GALNT13: variants seen among roughly 807,000 people sequenced by gnomAD.
GALNT13 encodes polypeptide N-acetylgalactosaminyltransferase 13.
A neutral mutation model predicts 64.2 loss-of-function variants in GALNT13; 28 were observed. That is an observed-to-expected ratio of 0.44 (90% CI 0.32 to 0.60). The LOEUF (loss-of-function observed/expected upper bound fraction) is 0.60, where lower values mean the gene tolerates loss of function less well. Ranked by LOEUF, GALNT13 falls within the 20% of genes least tolerant of loss-of-function variation. The probability of loss-of-function intolerance (pLI) is 0.05; values close to 1 mark genes in which losing one functional copy is unlikely to be tolerated. For missense variants in GALNT13, 577 were observed against 669.8 expected (o/e 0.86, Z 1.53); for synonymous variants, 214 against 224.6 (o/e 0.95, Z 0.42).
At chr2:153,881,308 A>T (rs1444682) in intron 1 of GALNT13, among the ~76,000 whole-genome samples, 23 of 152,066 alleles carry the variant, frequency 1.5e-4, no homozygotes, top group Non-Finnish European at 2.8e-4. Context: ...CTGACTTCAC[A>T]TCAAAAATCA....
At chr2:154,162,173 A>C (rs1162119718) in intron 4 of GALNT13, among the ~76,000 whole-genome samples, 1 of 152,234 alleles carries the variant, frequency 6.6e-6, no homozygotes, top group Non-Finnish European at 1.5e-5. Context: ...CTAGAATGAG[A>C]AACAGAATGT....
At chr2:153,546,600 A>T in the GALNT13 span, among the ~76,000 whole-genome samples, 4 of 152,148 alleles carry the variant, frequency 2.6e-5, no homozygotes, top group African/African-American at 9.7e-5. Context: ...CTCATTATCT[A>T]CTTAGTCACT....
chr2:154,216,908 C>T (rs1293607461), intron 4 of GALNT13, among the ~76,000 whole-genome samples: 1 of 149,372 alleles, frequency 6.7e-6, no homozygotes, highest in Non-Finnish European at 1.5e-5. Flanking sequence ...CTGGGCACAG[C>T]CTCCCAGGTA....
intron 3 of GALNT13, among the ~76,000 whole-genome samples, chr2:154,118,760 C>T (rs1395177855): frequency 6.6e-6 from 1 of 151,952 alleles, no homozygotes; most frequent in Non-Finnish European, 1.5e-5. Flanking sequence ...ATGTTGTTTA[C>T]TAGAACATCC....
chr2:153,615,024 T>A, the GALNT13 span, among the ~76,000 whole-genome samples: 1 of 152,050 alleles, frequency 6.6e-6, no homozygotes, highest in East Asian at 1.9e-4. Flanking sequence ...CGCAACACCT[T>A]TTCACCATCA....
At chr2:153,617,330 T>G in the GALNT13 span, among the ~76,000 whole-genome samples, 2 of 152,218 alleles carry the variant, frequency 1.3e-5, no homozygotes, top group South Asian at 4.1e-4. Flanking sequence ...TCATATGGTT[T>G]TATCCTTCAT....
the GALNT13 span, among the ~76,000 whole-genome samples, chr2:153,121,921 G>C: frequency 6.6e-6 from 1 of 152,180 alleles, no homozygotes; most frequent in East Asian, 1.9e-4. Flanking sequence ...AGTTTTATTT[G>C]ATTCTTCTAT....
At chr2:153,966,663 C>T (rs990019980) in intron 3 of GALNT13, among the ~76,000 whole-genome samples, 1 of 151,948 alleles carries the variant, frequency 6.6e-6, no homozygotes, top group East Asian at 1.9e-4. Flanking sequence ...CCACCGCGAC[C>T]GGCCCCGGGA....
chr2:153,407,192 C>A, the GALNT13 span, among the ~76,000 whole-genome samples: 1 of 152,122 alleles, frequency 6.6e-6, no homozygotes, highest in African/African-American at 2.4e-5. Context: ...AATTCTCAGG[C>A]CCTACCCCAG....
At chr2:154,290,769 G>A (rs567253826) in intron 8 of GALNT13, among the ~76,000 whole-genome samples, 142 of 152,256 alleles carry the variant, frequency 9.3e-4, no homozygotes, top group South Asian at 4.1e-3. Context: ...TGTGTCTGGA[G>A]TTTATTCCTT....
chr2:154,448,408 A>G (rs1574332163), intron 12 of GALNT13, among the ~76,000 whole-genome samples: 1 of 152,140 alleles, frequency 6.6e-6, no homozygotes, highest in Middle Eastern at 3.4e-3. Context: ...AAGCATGTTT[A>G]AGTCTAAGTA....
At chr2:153,598,611 A>T in the GALNT13 span, among the ~76,000 whole-genome samples, 1 of 152,052 alleles carries the variant, frequency 6.6e-6, no homozygotes, top group African/African-American at 2.4e-5. Context: ...AACAATATCT[A>T]CAGCTCCTGC....
At chr2:153,507,729 G>A in the GALNT13 span, among the ~76,000 whole-genome samples, 1 of 152,088 alleles carries the variant, frequency 6.6e-6, no homozygotes. Flanking sequence ...GATCTTTGGG[G>A]GTGCTAAAGA....
intron 3 of GALNT13, among the ~76,000 whole-genome samples, chr2:154,029,812 A>G (rs911180528): frequency 1.9e-4 from 29 of 152,190 alleles, no homozygotes; most frequent in African/African-American, 7.0e-4. Context: ...GAAAAAGTGA[A>G]CAATATACAC....
intron 9 of GALNT13, among the ~76,000 whole-genome samples, chr2:154,330,778 G>C (rs1157719799): frequency 6.6e-6 from 1 of 152,070 alleles, no homozygotes; most frequent in Non-Finnish European, 1.5e-5. Flanking sequence ...CTAATATAGT[G>C]AACCTGAAAC....
At chr2:153,975,571 C>T (rs1694020898) in intron 3 of GALNT13, among the ~76,000 whole-genome samples, 2 of 152,116 alleles carry the variant, frequency 1.3e-5, no homozygotes, top group Admixed American at 6.6e-5. Context: ...TTTAACACTT[C>T]AACACATATT....
chr2:153,338,917 A>G, the GALNT13 span, among the ~76,000 whole-genome samples: 1 of 152,202 alleles, frequency 6.6e-6, no homozygotes, highest in Admixed American at 6.5e-5. Context: ...GCTTAACATA[A>G]TGTCTTCCAA....
At chr2:153,775,709 T>C in the GALNT13 span, among the ~76,000 whole-genome samples, 16 of 152,160 alleles carry the variant, frequency 1.1e-4, no homozygotes, top group Non-Finnish European at 2.4e-4. Context: ...TATGCCTTTA[T>C]GCTGCCTTAA....
rs146974201 is a variant in GALNT13 at position 154,084,797 on chromosome 2, A to G, written c.143-55540A>G. Among the ~76,000 whole-genome samples, 824 of 152,046 alleles carry G rather than the reference A, an allele frequency of 5.4e-3. 5 individuals carry two copies. The highest frequency in any genetic ancestry group is 9.6e-3 in the Non-Finnish European group (651 of 67,882). On this transcript the variant is annotated intron_variant, in intron 3 of 12. Coordinates refer to ENST00000392825, the MANE Select transcript of GALNT13 (RefSeq NM_052917.4). ...TCAACATAGGCCAATCCTTAGTGAC[A>G]TTGTATTTGAAATTGTTTAAGAATC...
Sources: gnomAD v4.1 joint callset for allele counts (sites outside exome capture counted in the v4.1 genomes callset) on GRCh38, gnomAD v4.1.1 for gene constraint, MANE v1.5 for transcripts, NCBI Gene and HGNC (gene_info 2026-07-23, HGNC 2026-07-21) for gene names.